NEBL: variants seen among roughly 807,000 people sequenced by gnomAD.
NEBL encodes the protein nebulette.
A neutral mutation model predicts 140.2 loss-of-function variants in NEBL; 122 were observed. The observed-to-expected ratio is 0.87, with a 90% CI of 0.75 to 1.01. NEBL has a LOEUF of 1.01. Among genes scored for constraint, NEBL ranks in the 50% least tolerant of loss-of-function variants. The probability of loss-of-function intolerance (pLI) is 0.00; values close to 1 mark genes in which losing one functional copy is unlikely to be tolerated. For synonymous variants in NEBL, 436 were observed against 398.9 expected (o/e 1.09, Z -1.11); for missense variants, 1,365 against 1,231.3 (o/e 1.11, Z -1.62).
intron 3 of NEBL, among the ~76,000 whole-genome samples, chr10:21,241,399 G>A (rs552805018): frequency 2.2e-4 from 33 of 152,246 alleles, no homozygotes; most frequent in South Asian, 1.4e-3. Context: ...TCCAGGCGGC[G>A]CATCTGTGGC....
chr10:20,960,232 T>C (rs1426641592), intron 4 of NEBL, among the ~76,000 whole-genome samples: 1 of 152,182 alleles, frequency 6.6e-6, no homozygotes, highest in Admixed American at 6.5e-5. Flanking sequence ...AGATAAACAT[T>C]TGCCAAAAAT....
chr10:21,143,722 A>G (rs1416220783), intron 2 of NEBL, among the ~76,000 whole-genome samples: 1 of 152,118 alleles, frequency 6.6e-6, no homozygotes, highest in African/African-American at 2.4e-5. Flanking sequence ...TAGATTCCCT[A>G]CGTGTTCAAT....
chr10:21,247,250 A>G (rs1308709215), intron 3 of NEBL, among the ~76,000 whole-genome samples: 1 of 152,252 alleles, frequency 6.6e-6, no homozygotes, highest in African/African-American at 2.4e-5. Context: ...ACAGACTAAT[A>G]TACGTACAAC....
chr10:20,998,872 G>A (rs926138551), intron 3 of NEBL, among the ~76,000 whole-genome samples: 9 of 151,996 alleles, frequency 5.9e-5, no homozygotes, highest in Non-Finnish European at 8.8e-5. Context: ...TCTGATATAC[G>A]GATCATGAGG....
intron 2 of NEBL, among the ~76,000 whole-genome samples, chr10:21,059,249 C>A (rs1835172187): frequency 6.6e-6 from 1 of 152,220 alleles, no homozygotes; most frequent in Non-Finnish European, 1.5e-5. Flanking sequence ...GGGTGCCATT[C>A]CACCAACCCA....
At chr10:21,144,879 C>A in intron 2 of NEBL, among the ~76,000 whole-genome samples, 1 of 151,410 alleles carries the variant, frequency 6.6e-6, no homozygotes. Flanking sequence ...TGGGCTCTCT[C>A]CTCTCAATGA....
intron 3 of NEBL, among the ~76,000 whole-genome samples, chr10:20,969,690 C>T (rs1347867030): frequency 2.0e-5 from 3 of 151,676 alleles, no homozygotes; most frequent in East Asian, 3.9e-4. Flanking sequence ...GGATTACAGG[C>T]GTACACCACC....
intron 3 of NEBL, among the ~76,000 whole-genome samples, chr10:20,980,760 C>T (rs917901517): frequency 6.6e-6 from 1 of 152,202 alleles, no homozygotes; most frequent in African/African-American, 2.4e-5. Context: ...CTCTTCCTGG[C>T]TGCCTTTGTT....
chr10:20,834,188 A>G (rs1174527782), intron 14 of NEBL, among the ~76,000 whole-genome samples: 4 of 152,148 alleles, frequency 2.6e-5, no homozygotes, highest in Non-Finnish European at 4.4e-5. Context: ...TGAGAAAACA[A>G]TCAACCACTT....
chr10:20,965,737 G>A (rs868741899), intron 3 of NEBL, among the ~76,000 whole-genome samples: 8 of 152,260 alleles, frequency 5.3e-5, no homozygotes, highest in African/African-American at 1.4e-4. Context: ...CAGGACAGAC[G>A]CGAGAAGCCC....
chr10:20,874,954 G>C (rs1429120575), intron 5 of NEBL, among the ~76,000 whole-genome samples: 1 of 152,086 alleles, frequency 6.6e-6, no homozygotes, highest in East Asian at 1.9e-4. Context: ...GGCCAGGTTG[G>C]TCTCAAACTC....
chr10:21,173,753 C>T lies in NEBL; in HGVS notation c.69+12G>A. ...CGGCAGGTCCAGGCTGGCCCGGCGC[C>T]CCCTCGCTCACCTTATCCAGGCAGT... On this transcript the variant is annotated intron_variant, in intron 1 of 6. Coordinates refer to the NEBL transcript ENST00000417816. The surrounding 1 kb of genome is among the most constrained non-coding windows in gnomAD (Gnocchi z 5.7). The T allele has an allele frequency of 6.2e-7, 1 of 1,612,914 alleles. No individual in the cohort carries two copies. The highest frequency in any genetic ancestry group is 8.5e-7 in the Non-Finnish European group (1 of 1,179,842).
intron 3 of NEBL, among the ~76,000 whole-genome samples, chr10:21,187,958 G>A (rs903793345): frequency 1.3e-5 from 2 of 152,170 alleles, no homozygotes; most frequent in African/African-American, 4.8e-5. Context: ...CTCGCTAAGT[G>A]TGGGGCTGCT....
In NEBL at chr10:20,990,742, C is replaced by T. The variant is rs142442241; in HGVS notation, c.250-28963G>A. The stretch of plus-strand genomic sequence containing the variant: ...CAGCTTAGCCAGCCTAGCAAAATGA[C>T]ATTTTTCTTTCTGTCTCACCCAGTG... On this transcript the variant is annotated intron_variant, in intron 3 of 6. Transcript: ENST00000417816. Among the ~76,000 whole-genome samples, 103 of 152,330 alleles carry T rather than the reference C, an allele frequency of 6.8e-4. 1 individual carries two copies. In the South Asian group the frequency reaches 0.013, roughly 19 times the overall value.
At position 20,785,630 on chromosome 10, in the gene NEBL, A is replaced by G. The variant is rs1340324187; in HGVS notation, c.*117T>C. On this transcript the variant is annotated 3_prime_UTR_variant, in exon 28 of 28. Transcript: ENST00000377122. ...TGGTACCTGTGTGTCTAATTGTCAAAGGAAGGATACATCATTGTAAAATAA... is the reference window on the plus strand; with the variant it reads ...TGGTACCTGTGTGTCTAATTGTCAAGGGAAGGATACATCATTGTAAAATAA... 3 of 1,199,316 alleles carry G rather than the reference A, an allele frequency of 2.5e-6. No homozygotes were observed. Among genetic ancestry groups the G allele is most frequent in the Non-Finnish European group, 3.6e-6 (3 of 834,522 alleles). The allele number at this position is 1,199,316 out of a possible 1,614,324, so 74.3% of individuals were successfully genotyped here. A position where few individuals can be genotyped will look rare whatever the true frequency, so the allele number is the denominator to read the frequency against.
chr10:21,256,529 T>C (rs1842661820), intron 1 of NEBL, among the ~76,000 whole-genome samples: 1 of 152,158 alleles, frequency 6.6e-6, no homozygotes, highest in Non-Finnish European at 1.5e-5. Context: ...AAATAAATTA[T>C]ATTAAAAACA....
rs145229370 is a variant in NEBL, at chr10:20,823,329, A to C, written c.1870-29T>G. 665 of 1,476,564 alleles carry C rather than the reference A, an allele frequency of 4.5e-4. 4 individuals are homozygous for C. The African/African-American group carries it at 7.0e-3, about 16-fold the overall frequency. The allele number at this position is 1,476,564 out of a possible 1,614,324, so 91.5% of individuals were successfully genotyped here. On this transcript the variant is annotated intron_variant, in intron 18 of 27. Transcript: ENST00000377122. ...CATAATTTATAAGAATATAACGTTA[A>C]CTTTATTCTATGCAAGGCTTTAAAA...
intron 26 of NEBL, among the ~76,000 whole-genome samples, chr10:20,808,026 T>C (rs1837769497): frequency 6.6e-6 from 1 of 151,676 alleles, no homozygotes; most frequent in Admixed American, 6.6e-5. Flanking sequence ...TTATGCCCAA[T>C]TTCTTTTGGC....
At chr10:21,094,932 C>G (rs1354286043) in intron 2 of NEBL, among the ~76,000 whole-genome samples, 1 of 152,144 alleles carries the variant, frequency 6.6e-6, no homozygotes, top group Admixed American at 6.6e-5. Flanking sequence ...GGCCAACAGA[C>G]AGAACACAGA....
Sources: allele counts gnomAD v4.1 joint callset (sites outside exome capture counted in the v4.1 genomes callset), GRCh38; gene constraint gnomAD v4.1.1; non-coding constraint Gnocchi (gnomAD v3.1); transcripts MANE v1.5; gene names NCBI Gene and HGNC (gene_info 2026-07-23, HGNC 2026-07-21).